LINGO2: variants seen among roughly 807,000 people sequenced by gnomAD.
The protein encoded by LINGO2 is leucine rich repeat and Ig domain containing 2.
Under a neutral mutation model 30.6 loss-of-function variants are expected in LINGO2, and 14 were observed. The observed-to-expected ratio is 0.46, with a 90% CI of 0.30 to 0.72. The LOEUF (loss-of-function observed/expected upper bound fraction) is 0.72, where lower values mean the gene tolerates loss of function less well. Among genes scored for constraint, LINGO2 ranks in the 30% least tolerant of loss-of-function variants. The pLI is 0.07. For missense variants in LINGO2, 729 were observed against 751.7 expected (o/e 0.97, Z 0.35); for synonymous variants, 317 against 288.5 (o/e 1.10, Z -1.00).
the LINGO2 span, among the ~76,000 whole-genome samples, chr9:29,101,119 A>C: frequency 2.0e-5 from 3 of 152,202 alleles, no homozygotes; most frequent in Non-Finnish European, 4.4e-5. Flanking sequence ...AAAAGATGTC[A>C]TAACTTTAGC....
chr9:28,446,998 C>T (rs1182959219), intron 2 of LINGO2, among the ~76,000 whole-genome samples: 2 of 152,140 alleles, frequency 1.3e-5, no homozygotes, highest in Non-Finnish European at 2.9e-5. Context: ...CTTTCTCTGC[C>T]TTAAAGAATC....
At chr9:28,910,878 GATAGAA>G in the LINGO2 span, among the ~76,000 whole-genome samples, 1 of 151,998 alleles carries the variant, frequency 6.6e-6, no homozygotes, top group Admixed American at 6.6e-5. Context: ...GAAAGAAAAT[GATAGAA>G]ATAGAGAAAA....
chr9:28,448,762 G>A (rs142637978), intron 2 of LINGO2, among the ~76,000 whole-genome samples: 24 of 152,136 alleles, frequency 1.6e-4, no homozygotes, highest in Admixed American at 6.6e-4. Context: ...TTGAGTGACT[G>A]GTAGGATTCT....
intron 3 of LINGO2, among the ~76,000 whole-genome samples, chr9:28,351,752 T>C (rs1458625595): frequency 1.3e-5 from 2 of 152,138 alleles, no homozygotes; most frequent in Non-Finnish European, 2.9e-5. Context: ...AAATCCTCAA[T>C]AAAATACTGG....
At chr9:28,134,006 A>C (rs190139840) in intron 4 of LINGO2, among the ~76,000 whole-genome samples, 7 of 152,130 alleles carry the variant, frequency 4.6e-5, no homozygotes, top group Admixed American at 1.3e-4. Context: ...CTATTCTCCA[A>C]ATCTAAACAT....
chr9:28,333,398 A>G (rs1354811359), intron 3 of LINGO2, among the ~76,000 whole-genome samples: 3 of 152,210 alleles, frequency 2.0e-5, no homozygotes, highest in South Asian at 2.1e-4. Context: ...ACAGATTTGT[A>G]TAAGGTTAAT....
At chr9:28,753,244 A>T in the LINGO2 span, among the ~76,000 whole-genome samples, 1 of 152,040 alleles carries the variant, frequency 6.6e-6, no homozygotes, top group Admixed American at 6.6e-5. Context: ...CTAGAGCTGC[A>T]GTTTTGCCTA....
intron 1 of LINGO2, among the ~76,000 whole-genome samples, chr9:28,545,456 G>A (rs536241923): frequency 6.6e-6 from 1 of 152,030 alleles, no homozygotes; most frequent in African/African-American, 2.4e-5. Context: ...GCAAAGGTAA[G>A]GGATCTGCAA....
At chr9:28,195,228 G>T (rs17771752) in intron 4 of LINGO2, among the ~76,000 whole-genome samples, 7,194 of 151,830 alleles carry the variant, frequency 0.047, 240 homozygotes, top group Admixed American at 0.096. Context: ...ATATTTGACA[G>T]GAAAAGGCAT....
the LINGO2 span, among the ~76,000 whole-genome samples, chr9:28,799,701 C>T: frequency 3.3e-5 from 5 of 152,048 alleles, no homozygotes; most frequent in Admixed American, 3.3e-4. Flanking sequence ...AGTAGTAATT[C>T]TTACTATGTC....
the LINGO2 span, among the ~76,000 whole-genome samples, chr9:28,740,968 G>A: frequency 1.3e-5 from 2 of 151,970 alleles, no homozygotes; most frequent in Non-Finnish European, 1.5e-5. Context: ...TTGTGACCTT[G>A]ACTTGGCAGG....
At chr9:27,999,892 C>T (rs1821862102) in intron 5 of LINGO2, among the ~76,000 whole-genome samples, 1 of 152,030 alleles carries the variant, frequency 6.6e-6, no homozygotes, top group Admixed American at 6.5e-5. Context: ...CACTTTTGCA[C>T]CAACCTAATA....
chr9:29,126,508 T>C, the LINGO2 span, among the ~76,000 whole-genome samples: 1 of 152,144 alleles, frequency 6.6e-6, no homozygotes, highest in African/African-American at 2.4e-5. Flanking sequence ...ATTTCCTTCA[T>C]TTAAAAATAT....
intron 1 of LINGO2, among the ~76,000 whole-genome samples, chr9:28,551,545 T>G (rs1253807686): frequency 6.6e-6 from 1 of 152,032 alleles, no homozygotes; most frequent in East Asian, 1.9e-4. Context: ...AATTATATGC[T>G]CATGCTTAAA....
chr9:28,555,861 G>T (rs1047206855), intron 1 of LINGO2, among the ~76,000 whole-genome samples: 3 of 152,022 alleles, frequency 2.0e-5, no homozygotes, highest in Non-Finnish European at 2.9e-5. Flanking sequence ...ATCAATAAAT[G>T]TAATCCAGCA....
downstream of LINGO2, among the ~76,000 whole-genome samples, chr9:27,946,824 C>A (rs1823382544): frequency 6.6e-6 from 1 of 152,184 alleles, no homozygotes; most frequent in East Asian, 1.9e-4. Context: ...ACAGGCAATT[C>A]TTCAATCTTT....
chr9:28,189,717 A>AGGGAGGG (rs200586784), intron 4 of LINGO2, among the ~76,000 whole-genome samples: 4 of 126,962 alleles, frequency 3.2e-5, no homozygotes, highest in African/African-American at 1.4e-4. Flanking sequence ...GGAAGGAAGG[A>AGGGAGGG]AGGAAGGTTG....
the LINGO2 span, among the ~76,000 whole-genome samples, chr9:28,723,023 T>A: frequency 6.6e-6 from 1 of 151,944 alleles, no homozygotes; most frequent in Non-Finnish European, 1.5e-5. Flanking sequence ...TACCCCAGAG[T>A]CTCTGGTGGC....
intron 3 of LINGO2, among the ~76,000 whole-genome samples, chr9:28,359,404 C>G (rs1820356258): frequency 6.6e-6 from 1 of 151,966 alleles, no homozygotes; most frequent in African/African-American, 2.4e-5. Context: ...ACAAAACAAA[C>G]AAAAAGAAAA....
Sources: allele counts gnomAD v4.1 joint callset (sites outside exome capture counted in the v4.1 genomes callset), GRCh38; gene constraint gnomAD v4.1.1; transcripts MANE v1.5; gene names NCBI Gene and HGNC (gene_info 2026-07-23, HGNC 2026-07-21).